GRID1: variants seen among roughly 807,000 people sequenced by gnomAD.
The protein encoded by GRID1 is glutamate ionotropic receptor delta type subunit 1, also known as glutamate receptor ionotropic, delta-1.
In GRID1, 28 loss-of-function variants were observed where a neutral mutation model predicts 98.0. That is an observed-to-expected ratio of 0.29 (90% CI 0.21 to 0.39). The LOEUF is 0.39. Among genes scored for constraint, GRID1 ranks in the 10% least tolerant of loss-of-function variants. GRID1 has a pLI of 1.00. For missense variants in GRID1, 1,111 were observed against 1,340.5 expected, an observed-to-expected ratio of 0.83 and a Z score of 2.67; for synonymous variants, 553 against 538.5, an observed-to-expected ratio of 1.03 and a Z score of -0.37.
rs981877280 is a variant in GRID1 at position 85,951,943 on chromosome 10, C to A, written c.727-35704G>T. On this transcript the variant is annotated intron_variant, in intron 4 of 15. Transcript: ENST00000327946. ...CCTTGCCTGAGTAGGTCCATACCAT[C>A]CTCCATCCCATCTCCCTAACTCCTT... 2.1e-4 allele frequency among the ~76,000 whole-genome samples: 32 copies of A among 152,228 alleles called. 1 individual carries two copies. Among genetic ancestry groups the A allele is most frequent in the Non-Finnish European group, 4.4e-5 (3 of 68,046 alleles).
At chr10:85,789,056 G>A (rs1842455291) in intron 8 of GRID1, among the ~76,000 whole-genome samples, 1 of 152,158 alleles carries the variant, frequency 6.6e-6, no homozygotes, top group African/African-American at 2.4e-5. Context: ...TGTACATTAA[G>A]TGTTTCTGTA....
At chr10:85,796,377 C>G (rs1842526269) in intron 8 of GRID1, among the ~76,000 whole-genome samples, 1 of 152,080 alleles carries the variant, frequency 6.6e-6, no homozygotes, top group Admixed American at 6.5e-5. Context: ...CATACTATAA[C>G]AAATTCTTAC....
chr10:85,655,222 G>A (rs1189923373), intron 12 of GRID1, among the ~76,000 whole-genome samples: 1 of 152,144 alleles, frequency 6.6e-6, no homozygotes, highest in Non-Finnish European at 1.5e-5. Flanking sequence ...GCTGTGCCCT[G>A]ACTAAAACCT....
intron 3 of GRID1, among the ~76,000 whole-genome samples, chr10:86,199,410 C>T (rs1362121065): frequency 1.3e-5 from 2 of 152,082 alleles, no homozygotes; most frequent in African/African-American, 4.8e-5. Context: ...TCAAAAATGC[C>T]ACAATAAATC....
intron 8 of GRID1, among the ~76,000 whole-genome samples, chr10:85,771,346 C>T (rs1471963731): frequency 5.3e-5 from 8 of 152,202 alleles, no homozygotes; most frequent in Admixed American, 1.3e-4. Flanking sequence ...AAGGAACAAC[C>T]GGTACCAGCC....
intron 4 of GRID1, among the ~76,000 whole-genome samples, chr10:86,049,518 G>C (rs1387507072): frequency 6.6e-6 from 1 of 152,238 alleles, no homozygotes; most frequent in Non-Finnish European, 1.5e-5. Flanking sequence ...AGCAAGTCCG[G>C]CTATGCCACA....
intron 12 of GRID1, among the ~76,000 whole-genome samples, chr10:85,695,877 A>G (rs1841387577): frequency 2.0e-5 from 3 of 152,186 alleles, no homozygotes; most frequent in Admixed American, 2.0e-4. Flanking sequence ...AGAATTTATA[A>G]GAGACATTCG....
At chr10:86,026,343 C>G (rs1205759086) in intron 4 of GRID1, among the ~76,000 whole-genome samples, 1 of 152,140 alleles carries the variant, frequency 6.6e-6, no homozygotes, top group African/African-American at 2.4e-5. Context: ...GCACAGTGAT[C>G]CTTTAACAGT....
At chr10:85,654,287 A>T (rs1840868082) in intron 12 of GRID1, among the ~76,000 whole-genome samples, 1 of 152,254 alleles carries the variant, frequency 6.6e-6, no homozygotes, top group Non-Finnish European at 1.5e-5. Flanking sequence ...TAAACTGCTA[A>T]AAACTCAAAG....
chr10:86,202,179 G>A (rs965689153), intron 3 of GRID1, among the ~76,000 whole-genome samples: 1 of 152,254 alleles, frequency 6.6e-6, no homozygotes, highest in Non-Finnish European at 1.5e-5. Context: ...GTGCCCTGGA[G>A]ATGCCCCTGG....
intron 4 of GRID1, among the ~76,000 whole-genome samples, chr10:86,028,045 C>A (rs918988736): frequency 3.3e-5 from 5 of 152,172 alleles, no homozygotes; most frequent in African/African-American, 1.2e-4. Context: ...TGAGAAAATT[C>A]GGCTCAAAGA....
intron 12 of GRID1, among the ~76,000 whole-genome samples, chr10:85,676,906 G>A (rs1449510495): frequency 1.3e-5 from 2 of 152,224 alleles, no homozygotes; most frequent in Non-Finnish European, 2.9e-5. Context: ...GTTAATGGCA[G>A]GCAGAGCTAG....
chr10:86,247,560 G>C (rs1216534078), intron 2 of GRID1, among the ~76,000 whole-genome samples: 1 of 152,216 alleles, frequency 6.6e-6, no homozygotes, highest in Non-Finnish European at 1.5e-5. Flanking sequence ...GTGAAAGTTT[G>C]GCTAAGCAGT....
At chr10:85,848,695 CTG>C (rs960386109) in intron 8 of GRID1, among the ~76,000 whole-genome samples, 2 of 152,276 alleles carry the variant, frequency 1.3e-5, no homozygotes, top group African/African-American at 4.8e-5. Context: ...TTTCATTTAT[CTG>C]TGTTTCCTGA....
intron 4 of GRID1, among the ~76,000 whole-genome samples, chr10:86,130,320 C>G (rs750015610): frequency 8.5e-5 from 13 of 152,232 alleles, no homozygotes; most frequent in African/African-American, 3.1e-4. Context: ...CCAGGAAATA[C>G]TGGGTAGAAG....
intron 4 of GRID1, among the ~76,000 whole-genome samples, chr10:86,042,935 A>G (rs1048627505): frequency 1.3e-5 from 2 of 152,010 alleles, no homozygotes; most frequent in Non-Finnish European, 2.9e-5. Flanking sequence ...AAAAGTAAAA[A>G]TTAGCTGGGC....
At chr10:86,292,914 G>A (rs961972413) in intron 2 of GRID1, among the ~76,000 whole-genome samples, 3 of 152,118 alleles carry the variant, frequency 2.0e-5, no homozygotes, top group African/African-American at 7.2e-5. Context: ...GAGTGAGGGT[G>A]TCTGTGTGAA....
chr10:85,599,802 A>AAAAAATATATATATATATAT lies in GRID1; in HGVS notation c.*2470_*2471insATATATATATATATATTTTT. On this transcript the variant is annotated 3_prime_UTR_variant, in exon 16 of 16. Coordinates refer to ENST00000327946, the MANE Select transcript of GRID1 (RefSeq NM_017551.3). ...GTAGAAAATTCTAAAAAAAAAAAAA[A>AAAAAATATATATATATATAT]ATATATATATATATATATAAACATG... 3.1e-5 allele frequency: 2 copies of AAAAAATATATATATATATAT among 64,996 alleles called. No homozygotes were observed. The highest frequency in any genetic ancestry group is 5.2e-5 in the Non-Finnish European group (2 of 38,790). The allele number at this position is 64,996 out of a possible 1,614,324, so 4.0% of individuals were successfully genotyped here. A position where few individuals can be genotyped will look rare whatever the true frequency, so the allele number is the denominator to read the frequency against.
rs114474415 is a variant in GRID1 at position 85,911,049 on chromosome 10, G to A, written c.780+5137C>T. Among the ~76,000 whole-genome samples the A allele has an allele frequency of 3.2e-3, 487 of 152,122 alleles. 2 individuals carry two copies. Among genetic ancestry groups the A allele is most frequent in the African/African-American group, 0.011 (468 of 41,512 alleles). Reference sequence around the variant, plus strand: ...CAGGGATGACCCATGAGATATGAACGCAATAGTAAGAAGTAAATAAGGGTA... The same window carrying A: ...CAGGGATGACCCATGAGATATGAACACAATAGTAAGAAGTAAATAAGGGTA... On this transcript the variant is annotated intron_variant, in intron 5 of 15. Transcript: ENST00000327946.
Sources: allele counts gnomAD v4.1 joint callset (sites outside exome capture counted in the v4.1 genomes callset), GRCh38; gene constraint gnomAD v4.1.1; transcripts MANE v1.5; gene names NCBI Gene and HGNC (gene_info 2026-07-23, HGNC 2026-07-21).